PRKG1: variants seen among roughly 807,000 people sequenced by gnomAD.
PRKG1 encodes the protein protein kinase cGMP-dependent 1.
In PRKG1, 35 loss-of-function variants were observed where a neutral mutation model predicts 88.1. The ratio of observed to expected loss-of-function variants is 0.40; its 90% confidence interval spans 0.30 to 0.53. PRKG1 has a LOEUF of 0.53. PRKG1 is among the 20% of genes least tolerant of loss of function. The pLI, the probability that PRKG1 is intolerant of heterozygous loss-of-function variation, is 0.59. For missense variants in PRKG1, 540 were observed against 839.8 expected, an observed-to-expected ratio of 0.64 and a Z score of 4.41; for synonymous variants, 303 against 292.5, an observed-to-expected ratio of 1.04 and a Z score of -0.37.
intron 3 of PRKG1, among the ~76,000 whole-genome samples, chr10:51,767,274 T>C (rs563621912): frequency 6.6e-6 from 1 of 152,280 alleles, no homozygotes; most frequent in African/African-American, 2.4e-5. Context: ...TCCCACCCTC[T>C]ACCATGGAGA....
intron 8 of PRKG1, among the ~76,000 whole-genome samples, chr10:52,151,346 T>C (rs766486890): frequency 3.3e-5 from 5 of 152,136 alleles, no homozygotes; most frequent in Non-Finnish European, 7.4e-5. Flanking sequence ...TACCAAAATT[T>C]GGAGAAAAAA....
intron 3 of PRKG1, chr10:51,695,564 G>T (rs1018162483): frequency 6.6e-6 from 1 of 152,102 alleles, no homozygotes; most frequent in Admixed American, 6.6e-5. Flanking sequence ...ATAATTTTCA[G>T]TTACAGCCCT....
In PRKG1 at chr10:51,970,848, A is replaced by C. The variant is rs553220269; in HGVS notation, c.762+63278A>C. 2.7e-3 allele frequency among the ~76,000 whole-genome samples: 398 copies of C among 148,128 alleles called. 2 individuals carry two copies. Among genetic ancestry groups the C allele is most frequent in the African/African-American group, 9.3e-3 (380 of 40,728 alleles). On this transcript the variant is annotated intron_variant, in intron 5 of 17. Transcript: ENST00000373980. ...ATATATGTGATATATATATATATAT[A>C]TCTCCATCCCCAACAGAAGTACATG...
intron 5 of PRKG1, among the ~76,000 whole-genome samples, chr10:51,915,026 G>GT (rs1439464344): frequency 1.3e-5 from 2 of 152,152 alleles, no homozygotes; most frequent in African/African-American, 4.8e-5. Context: ...GGAAAAGGAG[G>GT]TTAATGTAGC....
Position 51,469,492 on chromosome 10 carries a change from T to C in PRKG1, c.592+1656T>C, listed in dbSNP as rs150594221. Among the ~76,000 whole-genome samples the C allele has an allele frequency of 2.4e-3, 372 of 151,944 alleles. 4 individuals carry two copies. The East Asian group carries it at 0.029, about 12-fold the overall frequency. Reference sequence around the variant, plus strand: ...ATTTACATGAATTTTACAGCAAAGATTTTTAATGAAATGATTTGTTTGCTT... The same window carrying C: ...ATTTACATGAATTTTACAGCAAAGACTTTTAATGAAATGATTTGTTTGCTT... On this transcript the variant is annotated intron_variant, in intron 3 of 17. Transcript: ENST00000373980.
At chr10:51,508,404 A>C (rs559594895) in intron 3 of PRKG1, among the ~76,000 whole-genome samples, 6 of 152,170 alleles carry the variant, frequency 3.9e-5, no homozygotes, top group Non-Finnish European at 7.4e-5. Flanking sequence ...ACCCTGGGCA[A>C]GGGTGTGGCT....
intron 3 of PRKG1, among the ~76,000 whole-genome samples, chr10:51,531,222 T>C (rs1842008738): frequency 6.6e-6 from 1 of 152,234 alleles, no homozygotes; most frequent in Admixed American, 6.5e-5. Context: ...CCTTCCTTTT[T>C]GTTTGCCTTT....
chr10:51,217,360 A>G (rs948957913), intron 2 of PRKG1, among the ~76,000 whole-genome samples: 6 of 152,294 alleles, frequency 3.9e-5, no homozygotes, highest in Non-Finnish European at 7.4e-5. Context: ...TTAAGAACGC[A>G]TTACCTAATA....
Position 51,364,285 on chromosome 10 carries a change from C to G in PRKG1, c.479-103438C>G, listed in dbSNP as rs370337046. Among the ~76,000 whole-genome samples the G allele has an allele frequency of 1.3e-4, 20 of 152,034 alleles. 1 individual carries two copies. The highest frequency in any genetic ancestry group is 4.6e-4 in the African/African-American group (19 of 41,520). On this transcript the variant is annotated intron_variant, in intron 2 of 17. Coordinates refer to ENST00000373980, the MANE Select transcript of PRKG1 (RefSeq NM_006258.4). Reference sequence around the variant, plus strand: ...AGCCTGTCTGCTGTCTTAGGATGGGCTCTTCAGCAGTCAGGCAAATGGGAG... The same window carrying G: ...AGCCTGTCTGCTGTCTTAGGATGGGGTCTTCAGCAGTCAGGCAAATGGGAG...
chr10:51,773,934 A>G (rs550583410), intron 3 of PRKG1, among the ~76,000 whole-genome samples: 1 of 152,214 alleles, frequency 6.6e-6, no homozygotes, highest in South Asian at 2.1e-4. Context: ...CAGTTAAAGA[A>G]TTTCTATATT....
chr10:51,443,542 T>G (rs1313937494), intron 2 of PRKG1, among the ~76,000 whole-genome samples: 1 of 152,058 alleles, frequency 6.6e-6, no homozygotes, highest in African/African-American at 2.4e-5. Flanking sequence ...CTTCCATGAC[T>G]TCTCTGATAA....
At position 52,166,789 on chromosome 10, in the gene PRKG1, A is replaced by ATATATATATATATGTATG. The variant is rs1321857689; in HGVS notation, c.1076+4834_1076+4835insTATATGTATGTATATATA. On this transcript the variant is annotated intron_variant, in intron 9 of 17. Coordinates refer to ENST00000373980, the MANE Select transcript of PRKG1 (RefSeq NM_006258.4). ...GCTATTTCTTCAAATAAAAAAGCCTATATATATACATATATATATGTATAT... is the reference window on the plus strand; with the variant it reads ...GCTATTTCTTCAAATAAAAAAGCCTATATATATATATATGTATGTATATATACATATATATATGTATAT... Among the ~76,000 whole-genome samples, 12 of 12,812 alleles carry ATATATATATATATGTATG rather than the reference A, an allele frequency of 9.4e-4. No homozygotes were observed. In the Admixed American group the frequency reaches 0.016, roughly 18 times the overall value. 8.4% of individuals were successfully genotyped at this position (12,812 alleles called of 152,430 possible).
chr10:52,186,068 T>G (rs1839193694), intron 9 of PRKG1, among the ~76,000 whole-genome samples: 2 of 152,220 alleles, frequency 1.3e-5, no homozygotes. Context: ...TGTATCAATT[T>G]TCTGTGTTAG....
intron 5 of PRKG1, among the ~76,000 whole-genome samples, chr10:51,953,986 A>T (rs1843244703): frequency 6.6e-6 from 1 of 152,154 alleles, no homozygotes; most frequent in Admixed American, 6.6e-5. Context: ...ATTGGAATGA[A>T]GGAAATTGTT....
At chr10:52,142,179 T>C (rs1290956693) in intron 8 of PRKG1, among the ~76,000 whole-genome samples, 6 of 151,896 alleles carry the variant, frequency 4.0e-5, no homozygotes, top group African/African-American at 1.5e-4. Context: ...CCAGAAGGAG[T>C]GTGGATTGTC....
At chr10:52,170,463 C>A (rs1838635363) in intron 9 of PRKG1, among the ~76,000 whole-genome samples, 1 of 152,266 alleles carries the variant, frequency 6.6e-6, no homozygotes, top group Non-Finnish European at 1.5e-5. Context: ...TATCAGTGCA[C>A]TGACAAGAGA....
intron 9 of PRKG1, among the ~76,000 whole-genome samples, chr10:52,201,373 G>C (rs1470982945): frequency 6.6e-6 from 1 of 152,072 alleles, no homozygotes; most frequent in African/African-American, 2.4e-5. Context: ...TAGGTGTGCA[G>C]CTTTATTTCT....
At chr10:51,340,340 G>C (rs1841977252) in intron 2 of PRKG1, among the ~76,000 whole-genome samples, 1 of 152,038 alleles carries the variant, frequency 6.6e-6, no homozygotes, top group Admixed American at 6.5e-5. Context: ...GTACTTAACT[G>C]ATGGACAAGG....
intron 5 of PRKG1, among the ~76,000 whole-genome samples, chr10:51,960,884 C>T (rs1249406068): frequency 6.6e-6 from 1 of 152,068 alleles, no homozygotes; most frequent in Non-Finnish European, 1.5e-5. Flanking sequence ...TAGATTGTTC[C>T]CACATATTGG....
Sources: gnomAD v4.1 joint callset for allele counts (sites outside exome capture counted in the v4.1 genomes callset) on GRCh38, gnomAD v4.1.1 for gene constraint, MANE v1.5 for transcripts, NCBI Gene and HGNC (gene_info 2026-07-23, HGNC 2026-07-21) for gene names.